The following ARHGAP15 variants were observed in gnomAD, a reference collection of about 807,000 sequenced individuals.
ARHGAP15 encodes the protein rho GTPase-activating protein 15.
In ARHGAP15, 51 loss-of-function variants were observed where a neutral mutation model predicts 63.7. The observed-to-expected ratio is 0.80, with a 90% CI of 0.64 to 1.01. ARHGAP15 has a LOEUF of 1.01. ARHGAP15 is among the 50% of genes least tolerant of loss of function. ARHGAP15 has a pLI of 0.00. For missense variants in ARHGAP15, 560 were observed against 564.6 expected, an observed-to-expected ratio of 0.99 and a Z score of 0.08; for synonymous variants, 191 against 193.8, an observed-to-expected ratio of 0.99 and a Z score of 0.12.
At chr2:143,181,197 G>T (rs773573214) in intron 2 of ARHGAP15, among the ~76,000 whole-genome samples, 5 of 152,110 alleles carry the variant, frequency 3.3e-5, no homozygotes, top group Non-Finnish European at 7.3e-5. Flanking sequence ...ATTCAGTTAA[G>T]TCATGCTGTA....
At chr2:143,591,082 G>A (rs1697302709) in intron 11 of ARHGAP15, among the ~76,000 whole-genome samples, 1 of 152,106 alleles carries the variant, frequency 6.6e-6, no homozygotes, top group South Asian at 2.1e-4. Flanking sequence ...AGGTCCTAGT[G>A]AGAACTACAT....
intron 12 of ARHGAP15, among the ~76,000 whole-genome samples, chr2:143,688,172 A>G: frequency 6.6e-6 from 1 of 151,758 alleles, no homozygotes; most frequent in Admixed American, 6.6e-5. Context: ...TTGATTTTCT[A>G]GTTTTTATCA....
intron 6 of ARHGAP15, among the ~76,000 whole-genome samples, chr2:143,282,140 A>G (rs1681880193): frequency 6.6e-6 from 1 of 152,064 alleles, no homozygotes; most frequent in Admixed American, 6.6e-5. Context: ...TTTATGATAT[A>G]TGTAAAGTTT....
At chr2:143,475,351 C>A (rs965669086) in intron 8 of ARHGAP15, among the ~76,000 whole-genome samples, 1 of 152,214 alleles carries the variant, frequency 6.6e-6, no homozygotes, top group African/African-American at 2.4e-5. Flanking sequence ...GCTCAGAGCA[C>A]CCCTTGCATT....
chr2:143,410,397 T>G (rs16822474), intron 6 of ARHGAP15, among the ~76,000 whole-genome samples: 8,509 of 152,270 alleles, frequency 0.056, 305 homozygotes, highest in East Asian at 0.14. Flanking sequence ...CCAGGCTACG[T>G]GATTGTCTAT....
At chr2:143,705,197 T>C (rs1401874456) in intron 13 of ARHGAP15, among the ~76,000 whole-genome samples, 1 of 152,180 alleles carries the variant, frequency 6.6e-6, no homozygotes, top group Non-Finnish European at 1.5e-5. Flanking sequence ...AGGGAACATG[T>C]TTTAATCTGA....
At chr2:143,256,452 T>C (rs913301902) in intron 6 of ARHGAP15, among the ~76,000 whole-genome samples, 1 of 152,126 alleles carries the variant, frequency 6.6e-6, no homozygotes, top group African/African-American at 2.4e-5. Context: ...GTGCTATTCT[T>C]AGTGGCATTA....
chr2:143,693,645 C>T (rs1447575152), intron 12 of ARHGAP15, among the ~76,000 whole-genome samples: 1 of 152,138 alleles, frequency 6.6e-6, no homozygotes, highest in African/African-American at 2.4e-5. Flanking sequence ...GACTTGAACT[C>T]ATGGTTTTAA....
intron 5 of ARHGAP15, chr2:143,237,094 A>G (rs1397273287): frequency 1.3e-5 from 2 of 152,098 alleles, no homozygotes; most frequent in Non-Finnish European, 2.9e-5. Context: ...GGTTTTTGTA[A>G]CCAATATGAA....
intron 9 of ARHGAP15, among the ~76,000 whole-genome samples, chr2:143,514,576 A>G (rs1251569013): frequency 1.3e-5 from 2 of 152,210 alleles, no homozygotes; most frequent in Non-Finnish European, 2.9e-5. Flanking sequence ...ATATTTCACC[A>G]AAAACCTGGA....
At chr2:143,675,250 C>T (rs1297742126) in intron 12 of ARHGAP15, among the ~76,000 whole-genome samples, 1 of 152,190 alleles carries the variant, frequency 6.6e-6, no homozygotes, top group Non-Finnish European at 1.5e-5. Context: ...TTTTAGTTCT[C>T]TTGCTAGTTC....
chr2:143,649,814 C>T (rs1454602337), intron 12 of ARHGAP15, among the ~76,000 whole-genome samples: 2 of 142,284 alleles, frequency 1.4e-5, no homozygotes, highest in Non-Finnish European at 3.2e-5. Flanking sequence ...GAATTGGCCA[C>T]TTTGAACAAC....
intron 12 of ARHGAP15, among the ~76,000 whole-genome samples, chr2:143,633,313 C>G (rs1015265796): frequency 6.6e-6 from 1 of 152,130 alleles, no homozygotes; most frequent in South Asian, 2.1e-4. Flanking sequence ...AGCCAAATGG[C>G]TTGCACAGGT....
At chr2:143,646,857 A>G (rs207462506) in intron 12 of ARHGAP15, among the ~76,000 whole-genome samples, 1 of 152,148 alleles carries the variant, frequency 6.6e-6, no homozygotes, top group South Asian at 2.1e-4. Context: ...TGTCAATCCA[A>G]ATAAGACGTG....
At chr2:143,357,110 A>G (rs1314555015) in intron 6 of ARHGAP15, among the ~76,000 whole-genome samples, 1 of 152,182 alleles carries the variant, frequency 6.6e-6, no homozygotes, top group African/African-American at 2.4e-5. Context: ...TAAATAATTT[A>G]TATCTGGGAA....
intron 5 of ARHGAP15, among the ~76,000 whole-genome samples, chr2:143,246,031 G>A (rs750649125): frequency 1.3e-5 from 2 of 152,152 alleles, no homozygotes; most frequent in Non-Finnish European, 2.9e-5. Flanking sequence ...ACCTGAAAAA[G>A]CCATTTTTAG....
At chr2:143,680,527 T>TA (rs1194656121) in intron 12 of ARHGAP15, among the ~76,000 whole-genome samples, 2 of 152,220 alleles carry the variant, frequency 1.3e-5, no homozygotes, top group Non-Finnish European at 2.9e-5. Context: ...GGTGGGGAGA[T>TA]ACCCAGTGTT....
At chr2:143,185,237 G>A (rs1432942597) in intron 2 of ARHGAP15, among the ~76,000 whole-genome samples, 1 of 152,124 alleles carries the variant, frequency 6.6e-6, no homozygotes, top group Non-Finnish European at 1.5e-5. Flanking sequence ...TACTAGAATG[G>A]TGTGGATATG....
intron 11 of ARHGAP15, among the ~76,000 whole-genome samples, chr2:143,579,426 T>C (rs1696803701): frequency 6.6e-6 from 1 of 152,160 alleles, no homozygotes; most frequent in South Asian, 2.1e-4. Context: ...TGTTTTTCTG[T>C]CCTTGCAAAA....
Sources: gnomAD v4.1 joint callset for allele counts (sites outside exome capture counted in the v4.1 genomes callset) on GRCh38, gnomAD v4.1.1 for gene constraint, MANE v1.5 for transcripts, NCBI Gene and HGNC (gene_info 2026-07-23, HGNC 2026-07-21) for gene names.